Variants in GPC5 observed in about 807,000 individuals in gnomAD.
The protein encoded by GPC5 is glypican-5.
In GPC5, 47 loss-of-function variants were observed where a neutral mutation model predicts 53.9. That is an observed-to-expected ratio of 0.87 (90% CI 0.69 to 1.11). GPC5 has a LOEUF of 1.11. Among genes scored for constraint, GPC5 ranks in the 50% most tolerant of loss-of-function variants. The probability of loss-of-function intolerance (pLI) is 0.00; values close to 1 mark genes in which losing one functional copy is unlikely to be tolerated. For synonymous variants in GPC5, 286 were observed against 263.3 expected, an observed-to-expected ratio of 1.09 and a Z score of -0.84; for missense variants, 748 against 713.1, an observed-to-expected ratio of 1.05 and a Z score of -0.56.
At chr13:91,452,997 T>TTA (rs1311785401) in intron 2 of GPC5, among the ~76,000 whole-genome samples, 1 of 151,222 alleles carries the variant, frequency 6.6e-6, no homozygotes, top group Non-Finnish European at 1.5e-5. Flanking sequence ...AAATTTCCAG[T>TTA]TATATATATA....
intron 6 of GPC5, among the ~76,000 whole-genome samples, chr13:92,108,955 T>C (rs1283828590): frequency 6.6e-6 from 1 of 152,114 alleles, no homozygotes; most frequent in African/African-American, 2.4e-5. Flanking sequence ...GTTCATCTTT[T>C]CCACATGGTT....
chr13:91,556,594 C>CACAT (rs1488214356), intron 2 of GPC5, among the ~76,000 whole-genome samples: 2 of 151,342 alleles, frequency 1.3e-5, no homozygotes, highest in African/African-American at 4.9e-5. Context: ...CACCCACACA[C>CACAT]ACATATACAC....
chr13:91,796,495 A>T (rs540713735), intron 5 of GPC5, among the ~76,000 whole-genome samples: 1 of 152,308 alleles, frequency 6.6e-6, no homozygotes, highest in African/African-American at 2.4e-5. Flanking sequence ...GGGACCCAAA[A>T]GGGGTTGTTG....
chr13:92,396,716 C>A (rs755021842), intron 7 of GPC5, among the ~76,000 whole-genome samples: 98 of 152,196 alleles, frequency 6.4e-4, no homozygotes, highest in Non-Finnish European at 1.0e-3. Flanking sequence ...GTTATCTTGC[C>A]TTTTACATGC....
intron 2 of GPC5, among the ~76,000 whole-genome samples, chr13:91,503,470 G>A (rs2139303822): frequency 6.6e-6 from 1 of 152,052 alleles, no homozygotes; most frequent in Non-Finnish European, 1.5e-5. Context: ...ATGGTTAGGA[G>A]GCTAATATTT....
chr13:91,632,385 TC>T (rs1285034733), intron 2 of GPC5, among the ~76,000 whole-genome samples: 1 of 152,076 alleles, frequency 6.6e-6, no homozygotes, highest in Non-Finnish European at 1.5e-5. Flanking sequence ...ATAGAGAGGA[TC>T]CAGGTAACAG....
intron 5 of GPC5, among the ~76,000 whole-genome samples, chr13:91,872,582 A>T (rs2039158177): frequency 6.6e-6 from 1 of 152,162 alleles, no homozygotes; most frequent in Non-Finnish European, 1.5e-5. Context: ...GTATATAGGC[A>T]CATTATATGC....
chr13:92,417,334 AT>A (rs1876358338), intron 7 of GPC5, among the ~76,000 whole-genome samples: 1 of 152,196 alleles, frequency 6.6e-6, no homozygotes, highest in South Asian at 2.1e-4. Flanking sequence ...AGGTGGGTAT[AT>A]TCAAAAAGAT....
At chr13:92,610,054 AAT>A (rs1555294977) in intron 7 of GPC5, among the ~76,000 whole-genome samples, 8 of 149,284 alleles carry the variant, frequency 5.4e-5, no homozygotes, top group African/African-American at 1.8e-4. Flanking sequence ...AAAAAAAAAA[AAT>A]GAAGTTCAAT....
intron 6 of GPC5, among the ~76,000 whole-genome samples, chr13:91,919,097 T>G (rs553521143): frequency 6.6e-6 from 1 of 152,324 alleles, no homozygotes; most frequent in African/African-American, 2.4e-5. Flanking sequence ...TCCACATGCT[T>G]AAGCCTATTT....
intron 7 of GPC5, among the ~76,000 whole-genome samples, chr13:92,766,376 T>A (rs1472028144): frequency 6.6e-6 from 1 of 152,140 alleles, no homozygotes; most frequent in Non-Finnish European, 1.5e-5. Context: ...AAAAATCTTG[T>A]ATCTCAGAAC....
intron 5 of GPC5, among the ~76,000 whole-genome samples, chr13:91,813,538 C>CG (rs754202896): frequency 1.4e-3 from 220 of 152,266 alleles, no homozygotes; most frequent in Non-Finnish European, 2.7e-3. Context: ...GTGCCAAGGC[C>CG]GGGTTGGTCT....
chr13:92,187,154 G>T (rs911440219), intron 7 of GPC5, among the ~76,000 whole-genome samples: 5 of 151,908 alleles, frequency 3.3e-5, no homozygotes, highest in Non-Finnish European at 7.4e-5. Context: ...CACTCAGCAT[G>T]TATGAAAACC....
chr13:91,515,302 C>A (rs1180256859), intron 2 of GPC5, among the ~76,000 whole-genome samples: 3 of 151,962 alleles, frequency 2.0e-5, no homozygotes, highest in Non-Finnish European at 4.4e-5. Context: ...CAATAGATGA[C>A]CTGTATTAGG....
chr13:92,366,352 G>T (rs1392675557), intron 7 of GPC5, among the ~76,000 whole-genome samples: 1 of 151,692 alleles, frequency 6.6e-6, no homozygotes, highest in Non-Finnish European at 1.5e-5. Flanking sequence ...TCCCCACTAT[G>T]ATCTGAGAGA....
intron 2 of GPC5, among the ~76,000 whole-genome samples, chr13:91,495,435 G>A (rs1884196890): frequency 6.6e-6 from 1 of 152,170 alleles, no homozygotes; most frequent in Admixed American, 6.5e-5. Context: ...GGGTAGAAGA[G>A]TCCTGCTGTG....
At chr13:92,017,718 TAC>T (rs937106751) in intron 6 of GPC5, among the ~76,000 whole-genome samples, 3 of 151,836 alleles carry the variant, frequency 2.0e-5, no homozygotes, top group Non-Finnish European at 4.4e-5. Context: ...TGTGCACAAG[TAC>T]ACACACACAT....
chr13:92,472,672 C>T (rs1878957612), intron 7 of GPC5, among the ~76,000 whole-genome samples: 1 of 151,952 alleles, frequency 6.6e-6, no homozygotes, highest in Non-Finnish European at 1.5e-5. Flanking sequence ...GATGAATATC[C>T]AGAGTGACAA....
chr13:92,821,801 A>G (rs898548216), intron 7 of GPC5, among the ~76,000 whole-genome samples: 14 of 152,154 alleles, frequency 9.2e-5, no homozygotes, highest in African/African-American at 3.4e-4. Context: ...CCACCACCTT[A>G]GATACATGTT....
Sources: allele counts gnomAD v4.1 joint callset (sites outside exome capture counted in the v4.1 genomes callset), GRCh38; gene constraint gnomAD v4.1.1; transcripts MANE v1.5; gene names NCBI Gene and HGNC (gene_info 2026-07-23, HGNC 2026-07-21).